HSD17B13: variants seen among roughly 807,000 people sequenced by gnomAD.
HSD17B13 encodes 17-beta-hydroxysteroid dehydrogenase 13.
In HSD17B13, 26 loss-of-function variants were observed where a neutral mutation model predicts 31.1. The ratio of observed to expected loss-of-function variants is 0.84; its 90% CI spans 0.61 to 1.16. The LOEUF (loss-of-function observed/expected upper bound fraction) is 1.16. HSD17B13 is among the 50% of genes most tolerant of loss of function. The probability of loss-of-function intolerance (pLI) is 0.00; values close to 1 mark genes in which losing one functional copy is unlikely to be tolerated. For synonymous variants in HSD17B13, 141 were observed against 133.7 expected (o/e 1.05, Z -0.38); for missense variants, 374 against 366.5 (o/e 1.02, Z -0.17).
chr4:87,315,609 C>A lies in HSD17B13; in HGVS notation c.451-10G>T. ...GAAGTGCTTTTGTGATCTTAAGGAT[C>A]ATTGCAGAAAGAAGAAAGACAATGA... On this transcript the variant is annotated splice_polypyrimidine_tract_variant and intron_variant, in intron 3 of 6. Coordinates refer to ENST00000328546, the MANE Select transcript of HSD17B13 (RefSeq NM_178135.5). The A allele has an allele frequency of 6.5e-7, 1 of 1,538,022 alleles. No individual in the cohort carries two copies. The highest frequency in any genetic ancestry group is 8.9e-7 in the Non-Finnish European group (1 of 1,117,954).
chr4:87,322,797 G>A lies in HSD17B13; in HGVS notation c.45C>T (p.Ile15=). Residue 15 remains isoleucine (I), a synonymous_variant, in exon 1 of 7, where the codon ATC becomes ATT. Transcript: ENST00000328546. ...LEILLLLITI[I]YSYLESLVKF... ...TCACCAACGACTCCAAGTAGGAGTA[G>A]ATGATGGTGATCAGAAGCAGAAGGA... 1 of 1,614,166 alleles carries A rather than the reference G, an allele frequency of 6.2e-7. No homozygotes were observed. The highest frequency in any genetic ancestry group is 8.5e-7 in the Non-Finnish European group (1 of 1,180,002).
chr4:87,311,535 T>C (rs1478382889), intron 5 of HSD17B13, among the ~76,000 whole-genome samples: 1 of 152,190 alleles, frequency 6.6e-6, no homozygotes, highest in East Asian at 1.9e-4. Context: ...AGGTATGTCA[T>C]ACTTCCAGTT....
intron 6 of HSD17B13, among the ~76,000 whole-genome samples, chr4:87,308,128 A>T (rs1351336646): frequency 6.6e-6 from 1 of 152,208 alleles, no homozygotes; most frequent in Non-Finnish European, 1.5e-5. Flanking sequence ...TAAGACTTTA[A>T]CATTTGAAGT....
At position 87,307,188 on chromosome 4, in the gene HSD17B13, C is replaced by T. The variant is rs570425867; in HGVS notation, c.813-1880G>A. 6.6e-5 allele frequency among the ~76,000 whole-genome samples: 10 copies of T among 151,930 alleles called. No individual in the cohort carries two copies. In the East Asian group the frequency reaches 1.7e-3, roughly 26 times the overall value. On this transcript the variant is annotated intron_variant, in intron 6 of 6. Transcript: ENST00000328546. ...CTTCATGCTAGTAATTGCATCTGCT[C>T]GTAAAATTGTGTCTCTCTATAAAAG... is the stretch of plus-strand genomic sequence containing the variant.
At position 87,304,772 on chromosome 4, in the gene HSD17B13, T is replaced by C. The variant is rs1346080855; in HGVS notation, c.*446A>G. ...TCCAGGTTGAGATAAAGCTGCCTGC[T>C]GAAACTTGATCTCTTAGCTGTGCAC... On this transcript the variant is annotated 3_prime_UTR_variant, in exon 7 of 7. Transcript: ENST00000328546. The C allele has an allele frequency of 6.6e-6, 1 of 152,518 alleles. No individual in the cohort carries two copies. The highest frequency in any genetic ancestry group is 1.9e-4 in the East Asian group (1 of 5,206). 9.4% of individuals were successfully genotyped at this position (152,518 alleles called of 1,614,324 possible).
intron 6 of HSD17B13, among the ~76,000 whole-genome samples, chr4:87,306,301 C>T (rs1399238181): frequency 6.6e-6 from 1 of 152,162 alleles, no homozygotes; most frequent in Non-Finnish European, 1.5e-5. Context: ...AATCTTGATG[C>T]TAAAAGCTCA....
chr4:87,309,456 G>C (rs907514732), intron 6 of HSD17B13, among the ~76,000 whole-genome samples: 1 of 135,616 alleles, frequency 7.4e-6, no homozygotes, highest in African/African-American at 2.7e-5. Flanking sequence ...ATATGTGCAA[G>C]ACTTAAACAC....
At chr4:87,315,825 T>C (rs1235412731) in intron 3 of HSD17B13, among the ~76,000 whole-genome samples, 1 of 152,168 alleles carries the variant, frequency 6.6e-6, no homozygotes, top group East Asian at 1.9e-4. Flanking sequence ...GTACTCCCCC[T>C]CCTTCCCTTC....
At position 87,305,268 on chromosome 4, in the gene HSD17B13, G is replaced by C; in HGVS notation, c.853C>G (p.Gln285Glu). The C allele has an allele frequency of 6.2e-7, 1 of 1,607,536 alleles. No individual in the cohort carries two copies. Residue 285 changes from glutamine (Q) to glutamate (E), a missense_variant, in exon 7 of 7, where the codon CAG becomes GAG. By Grantham distance (29) the Gln-to-Glu change is conservative. Coordinates refer to ENST00000328546, the MANE Select transcript of HSD17B13 (RefSeq NM_178135.5). ...ERASAILNRM[Q>E]NIQFEAVVGH... Reference sequence around the variant, plus strand: ...ACCACTGCTTCAAATTGAATATTCTGCATACGATTTAAAATCGCTGAGGCG... The same window carrying C: ...ACCACTGCTTCAAATTGAATATTCTCCATACGATTTAAAATCGCTGAGGCG...
chr4:87,308,159 G>T (rs950775918), intron 6 of HSD17B13, among the ~76,000 whole-genome samples: 3 of 152,156 alleles, frequency 2.0e-5, no homozygotes, highest in African/African-American at 2.4e-5. Flanking sequence ...TCAGTGACAG[G>T]GGCTTTGTTT....
At chr4:87,321,348 C>T (rs536716443) in intron 1 of HSD17B13, among the ~76,000 whole-genome samples, 14 of 152,108 alleles carry the variant, frequency 9.2e-5, no homozygotes, top group African/African-American at 3.1e-4. Flanking sequence ...ATTTTTAATA[C>T]GACTTCCTTC....
intron 6 of HSD17B13, among the ~76,000 whole-genome samples, chr4:87,306,650 T>C (rs1226029605): frequency 6.6e-6 from 1 of 151,926 alleles, no homozygotes; most frequent in Non-Finnish European, 1.5e-5. Flanking sequence ...CTCACGCCTG[T>C]AATCCCAGCA....
Position 87,313,728 on chromosome 4 carries a change from T to A in HSD17B13, c.695+95A>T, listed in dbSNP as rs563363350. 9.2e-5 allele frequency: 92 copies of A among 997,028 alleles called. No homozygotes were observed. The South Asian group carries it at 1.5e-3, about 16-fold the overall frequency. 61.8% of individuals were successfully genotyped at this position (997,028 alleles called of 1,614,324 possible). ...AGAAAAATTATTTTTCCTTCTTCAT[T>A]TTCTTCTATTAGTTGGCCTGCCTAA... On this transcript the variant is annotated intron_variant, in intron 5 of 6. Transcript: ENST00000328546.
chr4:87,305,729 A>AAATT (rs1454091311), intron 6 of HSD17B13, among the ~76,000 whole-genome samples: 8 of 152,124 alleles, frequency 5.3e-5, no homozygotes, highest in Admixed American at 1.3e-4. Flanking sequence ...ATAAATAAAT[A>AAATT]AATTATTGCC....
chr4:87,311,735 C>T (rs896521709), intron 5 of HSD17B13, among the ~76,000 whole-genome samples: 1 of 152,128 alleles, frequency 6.6e-6, no homozygotes, highest in Non-Finnish European at 1.5e-5. Flanking sequence ...GTTAGGGAGC[C>T]AGCGAATGTT....
intron 1 of HSD17B13, among the ~76,000 whole-genome samples, chr4:87,318,838 G>A (rs1015436265): frequency 2.0e-5 from 3 of 149,394 alleles, no homozygotes; most frequent in Non-Finnish European, 4.5e-5. Context: ...TGTCCAAAAT[G>A]AACAATTAAC....
chr4:87,316,429 T>C (rs1156943250), intron 3 of HSD17B13, among the ~76,000 whole-genome samples: 1 of 152,166 alleles, frequency 6.6e-6, no homozygotes, highest in Non-Finnish European at 1.5e-5. Flanking sequence ...CATCTCTTTT[T>C]TTTCTTCTTT....
At chr4:87,315,722 C>A in intron 3 of HSD17B13, 123 bp from the exon 4 acceptor site, 1 of 534,350 alleles carries the variant, frequency 1.9e-6, no homozygotes, top group Non-Finnish European at 3.3e-6. Flanking sequence ...AAATAAAATA[C>A]TTCCAAGCAT....
Position 87,315,498 on chromosome 4 carries a change from T to C in HSD17B13, c.552A>G (p.Pro184=), listed in dbSNP as rs1410502887. 3 of 1,581,364 alleles carry C rather than the reference T, an allele frequency of 1.9e-6. No homozygotes were observed. Among genetic ancestry groups the C allele is most frequent in the Non-Finnish European group, 2.6e-6 (3 of 1,152,144 alleles). ...GGCTGGCATGTGATACTTACCAATA[T>C]GGGATGAGGTAAGGAATCCCTTCGT... ...CGHEGIPYLI[P]YCSSKFAAVG... The change falls in exon 4 of 7, where the codon CCA becomes CCG. Residue 184 remains proline (P), a synonymous_variant. Transcript: ENST00000328546.
Sources: gnomAD v4.1 joint callset for allele counts (sites outside exome capture counted in the v4.1 genomes callset) on GRCh38, gnomAD v4.1.1 for gene constraint, MANE v1.5 for transcripts, NCBI Gene and HGNC (gene_info 2026-07-23, HGNC 2026-07-21) for gene names.